The following RIMS2 variants were observed in gnomAD, a reference collection of about 807,000 sequenced individuals.
RIMS2 encodes the protein regulating synaptic membrane exocytosis 2.
RIMS2 carries 59 observed loss-of-function variants against 174.4 expected under a neutral mutation model. That is an observed-to-expected ratio of 0.34 (90% CI 0.27 to 0.42). The LOEUF is 0.42. Ranked by LOEUF, RIMS2 falls within the 10% of genes least tolerant of loss-of-function variation. The pLI, the probability that RIMS2 is intolerant of heterozygous loss-of-function variation, is 1.00. For missense variants in RIMS2, 1,620 were observed against 1,666.3 expected (o/e 0.97, Z 0.48); for synonymous variants, 606 against 572.5 (o/e 1.06, Z -0.84).
intron 1 of RIMS2, among the ~76,000 whole-genome samples, chr8:103,668,680 T>TTATTTATTTATTTATTTATG (rs1308390082): frequency 6.6e-6 from 1 of 151,644 alleles, no homozygotes; most frequent in Non-Finnish European, 1.5e-5. Flanking sequence ...ATTTATTTAT[T>TTATTTATTTATTTATTTATG]TATGTATTTA....
intron 19 of RIMS2, among the ~76,000 whole-genome samples, chr8:104,117,878 A>G (rs1431363696): frequency 6.6e-6 from 1 of 152,216 alleles, no homozygotes; most frequent in Non-Finnish European, 1.5e-5. Flanking sequence ...ATAGCTGTAT[A>G]TATTTAAGTA....
intron 11 of RIMS2, among the ~76,000 whole-genome samples, chr8:103,928,197 A>G (rs972613460): frequency 2.0e-5 from 3 of 151,596 alleles, no homozygotes; most frequent in Admixed American, 6.6e-5. Flanking sequence ...ATTTACAGAA[A>G]TAGCTAATTT....
At chr8:104,094,436 T>G in intron 19 of RIMS2, 1 of 595,906 alleles carries the variant, frequency 1.7e-6, no homozygotes, top group South Asian at 2.1e-5. Flanking sequence ...TCTTTTTTTG[T>G]GTGTTTATTT....
intron 3 of RIMS2, among the ~76,000 whole-genome samples, chr8:103,863,899 GTT>G (rs1554902284): frequency 8.8e-6 from 1 of 113,134 alleles, no homozygotes; most frequent in Admixed American, 8.2e-5. Flanking sequence ...TTTTTTTTTT[GTT>G]TTTTTTGTTT....
intron 17 of RIMS2, among the ~76,000 whole-genome samples, chr8:103,996,367 T>C (rs1596654353): frequency 6.6e-6 from 1 of 151,982 alleles, no homozygotes; most frequent in East Asian, 1.9e-4. Flanking sequence ...TGTTCTAGTC[T>C]CACAATGAAC....
chr8:103,630,685 T>C (rs377432271), intron 1 of RIMS2, among the ~76,000 whole-genome samples: 2 of 150,302 alleles, frequency 1.3e-5, no homozygotes, highest in African/African-American at 2.4e-5. Flanking sequence ...CACACACACA[T>C]ATTCCTAGAA....
intron 1 of RIMS2, among the ~76,000 whole-genome samples, chr8:103,538,486 A>C (rs1587102525): frequency 1.0e-4 from 12 of 117,056 alleles, no homozygotes; most frequent in Admixed American, 1.7e-4. Flanking sequence ...GCCCCCCTCC[A>C]CTCTTCCCCC....
chr8:103,638,384 A>G (rs1331159285), intron 1 of RIMS2, among the ~76,000 whole-genome samples: 2 of 152,078 alleles, frequency 1.3e-5, no homozygotes, highest in Non-Finnish European at 2.9e-5. Flanking sequence ...TGATGCTCTA[A>G]TGATGACTTT....
intron 3 of RIMS2, among the ~76,000 whole-genome samples, chr8:103,780,171 C>T (rs531113310): frequency 6.6e-6 from 1 of 152,048 alleles, no homozygotes; most frequent in Admixed American, 6.6e-5. Flanking sequence ...CTTTTAGGAT[C>T]CTCTCTTTAT....
At chr8:103,771,681 T>C (rs2098255107) in intron 3 of RIMS2, among the ~76,000 whole-genome samples, 1 of 152,128 alleles carries the variant, frequency 6.6e-6, no homozygotes, top group Non-Finnish European at 1.5e-5. Context: ...CTGAGAAGAC[T>C]TCCAGTTCTA....
At position 104,048,577 on chromosome 8, in the gene RIMS2, A is replaced by C. The variant is rs540906579; in HGVS notation, c.3334+33962A>C. Reference sequence around the variant, plus strand: ...GTGTAGAAATAGAAATTCAAATAAAAACATATGTATGATATGTTCACTAAG... The same window carrying C: ...GTGTAGAAATAGAAATTCAAATAAACACATATGTATGATATGTTCACTAAG... On this transcript the variant is annotated intron_variant, in intron 19 of 23. Coordinates refer to ENST00000504942, the Ensembl canonical transcript of RIMS2. 1.5e-3 allele frequency among the ~76,000 whole-genome samples: 223 copies of C among 152,278 alleles called. 2 individuals are homozygous for C. In the South Asian group the frequency reaches 0.016, roughly 11 times the overall value.
At chr8:104,222,277 A>C (rs1440736758) in intron 19 of RIMS2, among the ~76,000 whole-genome samples, 1 of 152,166 alleles carries the variant, frequency 6.6e-6, no homozygotes, top group Non-Finnish European at 1.5e-5. Flanking sequence ...GCATCATATA[A>C]ACATCTACCA....
chr8:103,787,602 T>C lies in RIMS2; in HGVS notation c.698+21065T>C, dbSNP rs201809364. 1.9e-3 allele frequency among the ~76,000 whole-genome samples: 294 copies of C among 152,324 alleles called. 2 individuals carry two copies. The highest frequency in any genetic ancestry group is 6.8e-3 in the African/African-American group (283 of 41,556). Reference sequence around the variant, plus strand: ...TTTAAGAATGTTGAATATTGGCCCCTACTCTCTTCTTGCTTGTAGGGTTTC... The same window carrying C: ...TTTAAGAATGTTGAATATTGGCCCCCACTCTCTTCTTGCTTGTAGGGTTTC... On this transcript the variant is annotated intron_variant, in intron 3 of 23. Transcript: ENST00000504942.
At chr8:103,504,007 T>C (rs1345610673) in intron 1 of RIMS2, among the ~76,000 whole-genome samples, 2 of 152,036 alleles carry the variant, frequency 1.3e-5, no homozygotes, top group Non-Finnish European at 2.9e-5. Context: ...ATAATACCAT[T>C]TTACATATGA....
intron 1 of RIMS2, among the ~76,000 whole-genome samples, chr8:103,601,349 C>T (rs940869012): frequency 6.6e-6 from 1 of 152,038 alleles, no homozygotes; most frequent in Admixed American, 6.6e-5. Flanking sequence ...TCTGGGTGTT[C>T]CAGTGTTGGT....
chr8:103,700,091 G>T (rs937122047), intron 2 of RIMS2, among the ~76,000 whole-genome samples: 1 of 152,032 alleles, frequency 6.6e-6, no homozygotes, highest in Admixed American at 6.6e-5. Flanking sequence ...GGCCAGTTTC[G>T]TTGATAGAGT....
At chr8:104,024,497 A>T (rs570436145) in intron 19 of RIMS2, among the ~76,000 whole-genome samples, 1 of 152,210 alleles carries the variant, frequency 6.6e-6, no homozygotes, top group South Asian at 2.1e-4. Context: ...ATTCTATGAC[A>T]CTGTTGTAGA....
At chr8:104,001,056 C>A (rs2095364292) in intron 17 of RIMS2, among the ~76,000 whole-genome samples, 1 of 151,848 alleles carries the variant, frequency 6.6e-6, no homozygotes, top group Admixed American at 6.6e-5. Flanking sequence ...TGTACAGAAG[C>A]TTTTCACCTT....
intron 3 of RIMS2, among the ~76,000 whole-genome samples, chr8:103,827,928 A>T (rs1406358818): frequency 1.3e-5 from 2 of 152,114 alleles, no homozygotes; most frequent in African/African-American, 4.8e-5. Context: ...CATTTTGTGA[A>T]GTGCTTTTTC....
Sources: allele counts gnomAD v4.1 joint callset (sites outside exome capture counted in the v4.1 genomes callset), GRCh38; gene constraint gnomAD v4.1.1; transcripts MANE v1.5; gene names NCBI Gene and HGNC (gene_info 2026-07-23, HGNC 2026-07-21).